NLGN1: variants seen among roughly 807,000 people sequenced by gnomAD.
NLGN1 encodes the protein neuroligin 1.
Under a neutral mutation model 65.5 loss-of-function variants are expected in NLGN1, and 12 were observed. The ratio of observed to expected loss-of-function variants is 0.18; its 90% CI spans 0.12 to 0.30. The LOEUF is 0.30. NLGN1 is among the 10% of genes least tolerant of loss of function. The pLI is 1.00. For synonymous variants in NLGN1, 350 were observed against 359.5 expected (o/e 0.97, Z 0.30); for missense variants, 750 against 1,007.1 (o/e 0.74, Z 3.46).
chr3:173,775,242 C>T (rs370374890), intron 3 of NLGN1, among the ~76,000 whole-genome samples: 2 of 151,772 alleles, frequency 1.3e-5, no homozygotes, highest in East Asian at 1.9e-4. Flanking sequence ...AAATGCAATC[C>T]GTTATTATAT....
intron 4 of NLGN1, among the ~76,000 whole-genome samples, chr3:174,024,542 T>C (rs1449137303): frequency 4.6e-5 from 7 of 152,150 alleles, no homozygotes; most frequent in African/African-American, 1.7e-4. Flanking sequence ...AAAATGTTCT[T>C]TTTGTACACA....
intron 2 of NLGN1, among the ~76,000 whole-genome samples, chr3:173,517,750 TTATCTATCTATCTATCTATCTATC>T (rs368708618): frequency 3.8e-4 from 56 of 147,232 alleles, no homozygotes; most frequent in Non-Finnish European, 7.2e-4. Context: ...TTTCGCAAAT[TTATCTATCTATCTATCTATCTATC>T]TATCTATCTA....
At chr3:174,117,941 G>C (rs963482164) in intron 4 of NLGN1, among the ~76,000 whole-genome samples, 2 of 152,096 alleles carry the variant, frequency 1.3e-5, no homozygotes, top group African/African-American at 4.8e-5. Flanking sequence ...AACTAATCTG[G>C]CTTCAAAGAG....
intron 4 of NLGN1, among the ~76,000 whole-genome samples, chr3:173,998,277 T>C (rs1722653753): frequency 6.6e-6 from 1 of 152,162 alleles, no homozygotes; most frequent in Admixed American, 6.6e-5. Flanking sequence ...CATATTACTT[T>C]GGGAATCAGA....
rs116248524 is a variant in NLGN1, at chr3:174,166,002, T to G, written c.647-109313T>G. On this transcript the variant is annotated intron_variant, in intron 4 of 6. Transcript: ENST00000457714. ...ATGTGTAGAGGTGTTCATAATATTCTCTATGAATCTTTTGTATTTCTGTGA... is the reference window on the plus strand; with the variant it reads ...ATGTGTAGAGGTGTTCATAATATTCGCTATGAATCTTTTGTATTTCTGTGA... Among the ~76,000 whole-genome samples, 630 of 152,184 alleles carry G rather than the reference T, an allele frequency of 4.1e-3. 4 individuals carry two copies. Among genetic ancestry groups the G allele is most frequent in the African/African-American group, 0.015 (603 of 41,550 alleles).
At chr3:174,018,549 G>A (rs1177462443) in intron 4 of NLGN1, among the ~76,000 whole-genome samples, 5 of 152,148 alleles carry the variant, frequency 3.3e-5, no homozygotes, top group African/African-American at 1.2e-4. Context: ...GCTTCAGCCG[G>A]TCCCTTCGTT....
At chr3:173,495,826 T>C (rs1729931329) in intron 2 of NLGN1, among the ~76,000 whole-genome samples, 1 of 151,602 alleles carries the variant, frequency 6.6e-6, no homozygotes, top group Non-Finnish European at 1.5e-5. Context: ...CTTCACCCTA[T>C]CCCAGTCTCT....
At chr3:173,594,277 G>T (rs1208011399) in intron 2 of NLGN1, among the ~76,000 whole-genome samples, 1 of 152,232 alleles carries the variant, frequency 6.6e-6, no homozygotes, top group Non-Finnish European at 1.5e-5. Flanking sequence ...AGAGGGAACA[G>T]GTAATGGGTA....
intron 4 of NLGN1, among the ~76,000 whole-genome samples, chr3:174,260,517 C>CT (rs1304011774): frequency 1.6e-4 from 24 of 151,402 alleles, no homozygotes; most frequent in African/African-American, 5.6e-4. Flanking sequence ...CCTTCACCCA[C>CT]TTTTTGATGG....
At chr3:173,690,547 T>C (rs1399462260) in intron 3 of NLGN1, among the ~76,000 whole-genome samples, 2 of 152,164 alleles carry the variant, frequency 1.3e-5, no homozygotes, top group Non-Finnish European at 2.9e-5. Context: ...TAAATATGTA[T>C]AGTGCTTTGC....
chr3:173,968,436 A>G (rs950985079), intron 4 of NLGN1, among the ~76,000 whole-genome samples: 1 of 152,114 alleles, frequency 6.6e-6, no homozygotes, highest in Non-Finnish European at 1.5e-5. Flanking sequence ...ATCTATATCT[A>G]TCCCTCAACC....
chr3:174,060,313 A>G (rs1737117320), intron 4 of NLGN1, among the ~76,000 whole-genome samples: 1 of 152,074 alleles, frequency 6.6e-6, no homozygotes, highest in Non-Finnish European at 1.5e-5. Flanking sequence ...TCAGCCATGG[A>G]TAACTTGGAC....
intron 2 of NLGN1, among the ~76,000 whole-genome samples, chr3:173,445,643 T>G (rs1302461701): frequency 6.6e-6 from 1 of 152,240 alleles, no homozygotes; most frequent in Non-Finnish European, 1.5e-5. Context: ...TGGACAGTTT[T>G]CTTCCACATT....
intron 3 of NLGN1, among the ~76,000 whole-genome samples, chr3:173,751,206 G>A (rs1030722620): frequency 2.6e-5 from 4 of 152,004 alleles, no homozygotes; most frequent in African/African-American, 9.7e-5. Context: ...TAATGTTTGT[G>A]CATAGATACA....
chr3:173,809,937 A>G (rs1322721041), intron 4 of NLGN1, among the ~76,000 whole-genome samples: 1 of 152,172 alleles, frequency 6.6e-6, no homozygotes, highest in Non-Finnish European at 1.5e-5. Flanking sequence ...GCTCTACTGT[A>G]CCCTAGAATA....
chr3:173,462,464 T>C (rs1723566854), intron 2 of NLGN1, among the ~76,000 whole-genome samples: 1 of 152,182 alleles, frequency 6.6e-6, no homozygotes, highest in Non-Finnish European at 1.5e-5. Flanking sequence ...ATTTTGAATG[T>C]CCCTTAAAGT....
chr3:173,562,911 C>T (rs1188208121), intron 2 of NLGN1, among the ~76,000 whole-genome samples: 1 of 152,158 alleles, frequency 6.6e-6, no homozygotes, highest in Non-Finnish European at 1.5e-5. Flanking sequence ...GCTATCTCCA[C>T]CAAGATGTCT....
chr3:173,936,108 C>CT (rs1022509612), intron 4 of NLGN1, among the ~76,000 whole-genome samples: 101 of 145,686 alleles, frequency 6.9e-4, no homozygotes, highest in South Asian at 1.5e-3. Context: ...CACATTAAGT[C>CT]TTTTTTTTTT....
Position 173,534,410 on chromosome 3 carries a change from T to C in NLGN1, c.-320-69869T>C, listed in dbSNP as rs190593495. On this transcript the variant is annotated intron_variant, in intron 2 of 6. Coordinates refer to ENST00000457714, the Ensembl canonical transcript of NLGN1. ...TTAGGTTGCCCTTCATTCAAATCAC[T>C]GGGGGCTTTTCTTCAAACTGGCCCC... Among the ~76,000 whole-genome samples, 413 of 152,340 alleles carry C rather than the reference T, an allele frequency of 2.7e-3. 1 individual carries two copies. Among genetic ancestry groups the C allele is most frequent in the African/African-American group, 9.3e-3 (388 of 41,572 alleles).
Sources: allele counts gnomAD v4.1 joint callset (sites outside exome capture counted in the v4.1 genomes callset), GRCh38; gene constraint gnomAD v4.1.1; transcripts MANE v1.5; gene names NCBI Gene and HGNC (gene_info 2026-07-23, HGNC 2026-07-21).